Variants in TRPM8 observed in about 807,000 individuals in gnomAD.
TRPM8 encodes the protein TRPM8 cationic channel.
In TRPM8, 110 loss-of-function variants were observed where a neutral mutation model predicts 133.7. The observed-to-expected ratio is 0.82, with a 90% CI of 0.70 to 0.96. The LOEUF (loss-of-function observed/expected upper bound fraction) is 0.96. Among genes scored for constraint, TRPM8 ranks in the 40% least tolerant of loss-of-function variants. TRPM8 has a pLI of 0.00. For missense variants in TRPM8, 1,291 were observed against 1,379.5 expected (o/e 0.94, Z 1.02); for synonymous variants, 535 against 532.3 (o/e 1.01, Z -0.07).
rs200953031 is a variant in TRPM8 at position 233,960,902 on chromosome 2, T to C, written c.1489T>C (p.Phe497Leu). 2 of 1,614,188 alleles carry C rather than the reference T, an allele frequency of 1.2e-6. No homozygotes were observed. The highest frequency in any genetic ancestry group is 8.5e-7 in the Non-Finnish European group (1 of 1,180,040). Residue 497 changes from phenylalanine (F) to leucine (L), a missense_variant, in exon 12 of 26, where the codon TTC (phenylalanine) becomes CTC (leucine). Transcript: ENST00000324695. Reference sequence around the variant, plus strand: ...CACCCATGATGTCCTCACTGAACTCTTCTCCAACCACTTCAGCACGCTTGT... The same window carrying C: ...CACCCATGATGTCCTCACTGAACTCCTCTCCAACCACTTCAGCACGCTTGT... ...FLTHDVLTEL[F>L]SNHFSTLVYR...
chr2:234,012,603 T>A (rs1235171208), intron 24 of TRPM8, among the ~76,000 whole-genome samples: 2 of 152,172 alleles, frequency 1.3e-5, no homozygotes, highest in Non-Finnish European at 2.9e-5. Context: ...CTTTTCTTTT[T>A]TTCTTGTCTG....
intron 3 of TRPM8, among the ~76,000 whole-genome samples, chr2:233,935,361 A>G (rs983167092): frequency 1.3e-5 from 2 of 152,116 alleles, no homozygotes; most frequent in Non-Finnish European, 2.9e-5. Flanking sequence ...AGTGGGGCTG[A>G]ATCTTGTTAT....
intron 18 of TRPM8, 47 bp from the exon 19 acceptor site, chr2:233,981,727 A>G: frequency 6.5e-7 from 1 of 1,545,894 alleles, no homozygotes; most frequent in Non-Finnish European, 8.7e-7. Flanking sequence ...AAACTTTGGA[A>G]TGTTTTGTCA....
At chr2:233,932,435 T>C (rs943604334) in intron 3 of TRPM8, among the ~76,000 whole-genome samples, 2 of 152,046 alleles carry the variant, frequency 1.3e-5, no homozygotes, top group African/African-American at 4.8e-5. Context: ...TCTAAACTAA[T>C]CCCTGGGGCT....
intron 3 of TRPM8, among the ~76,000 whole-genome samples, chr2:233,935,781 C>G (rs551738458): frequency 6.6e-6 from 1 of 152,072 alleles, no homozygotes; most frequent in African/African-American, 2.4e-5. Context: ...GTGGGTGGGG[C>G]AGGCAGAAGG....
intron 6 of TRPM8, chr2:233,943,117 T>A (rs1251907963): frequency 2.7e-5 from 10 of 376,822 alleles, no homozygotes; most frequent in East Asian, 9.7e-5. Flanking sequence ...TGTTTTTTTT[T>A]TTATTATTAT....
At chr2:234,005,648 A>G (rs542707995) in intron 22 of TRPM8, among the ~76,000 whole-genome samples, 16 of 152,256 alleles carry the variant, frequency 1.1e-4, no homozygotes, top group African/African-American at 3.9e-4. Context: ...CAGTGTCTCA[A>G]GCCTGTAATC....
At chr2:233,997,791 T>C (rs1438354383) in intron 22 of TRPM8, among the ~76,000 whole-genome samples, 2 of 152,104 alleles carry the variant, frequency 1.3e-5, no homozygotes, top group Non-Finnish European at 2.9e-5. Flanking sequence ...CTCTCTCTCA[T>C]GTGGTCACCT....
chr2:233,970,212 A>G lies in TRPM8; in HGVS notation c.2141A>G (p.Lys714Arg), dbSNP rs202110003. 1 of 1,614,104 alleles carries G rather than the reference A, an allele frequency of 6.2e-7. No individual in the cohort carries two copies. The highest frequency in any genetic ancestry group is 8.5e-7 in the Non-Finnish European group (1 of 1,179,964). ...LVGCGFVSFR[K>R]KPVDKHKKLL... ...GATGCCCTTATCTCTGGGTCCAGGA[A>G]GAAACCTGTCGACAAGCACAAGAAG... The change falls in exon 17 of 26, where the codon AAG (lysine) becomes AGG (arginine). Residue 714 changes from lysine (K) to arginine (R), a missense_variant and splice_region_variant. By Grantham distance (26) the Lys-to-Arg change is conservative. Around this residue, in one of 2 missense-constraint regions of TRPM8, gnomAD observed 963 missense variants for 968.9 expected, o/e 0.99. Coordinates refer to ENST00000324695, the MANE Select transcript of TRPM8 (RefSeq NM_024080.5).
intron 17 of TRPM8, 46 bp downstream of exon 17, chr2:233,970,472 A>G (rs1367088468): frequency 6.4e-7 from 1 of 1,561,898 alleles, no homozygotes; most frequent in East Asian, 2.2e-5. Context: ...CCTCGGTGGG[A>G]GGCATCTTTC....
At position 233,955,217 on chromosome 2, in the gene TRPM8, T is replaced by A. The variant is rs769201579; in HGVS notation, c.1329T>A (p.Asn443Lys). The A allele has an allele frequency of 4.3e-6, 7 of 1,614,096 alleles. No homozygotes were observed. The Admixed American group carries it at 1.0e-4, about 23-fold the overall frequency. Residue 443 changes from asparagine to lysine, a missense_variant, in exon 11 of 26, where the codon AAT becomes AAA. By Grantham distance (94) the Asn-to-Lys change is moderately conservative (BLOSUM62 0). Around this residue, in one of 2 missense-constraint regions of TRPM8, gnomAD observed 963 missense variants for 968.9 expected, o/e 0.99. Transcript: ENST00000324695. ...LLEWNQLDLANDEIFTNDRRW... is the reference protein window; with the variant it reads ...LLEWNQLDLAKDEIFTNDRRW... ...AGTGGAACCAGCTGGACTTAGCCAA[T>A]GATGAGATTTTCACCAATGACCGCC...
At position 234,010,686 on chromosome 2, in the gene TRPM8, G is replaced by A. The variant is rs536086746; in HGVS notation, c.3264+2583G>A. Among the ~76,000 whole-genome samples, 12 of 152,256 alleles carry A rather than the reference G, an allele frequency of 7.9e-5. No individual in the cohort carries two copies. In the South Asian group the frequency reaches 1.2e-3, roughly 16 times the overall value. ...ATAATAAGCGTCGTAACAGGTGTGA[G>A]GTATGGTCTCATTGTGGTTTTGATT... On this transcript the variant is annotated intron_variant, in intron 24 of 25. Coordinates refer to ENST00000324695, the MANE Select transcript of TRPM8 (RefSeq NM_024080.5).
In TRPM8 at chr2:233,966,662, G is replaced by T. The variant is rs190759752; in HGVS notation, c.1932G>T (p.Leu644=). 3 of 1,614,080 alleles carry T rather than the reference G, an allele frequency of 1.9e-6. No individual in the cohort carries two copies. The highest frequency in any genetic ancestry group is 3.3e-5 in the Admixed American group (2 of 60,010). Residue 644 remains leucine (L), a synonymous_variant, in exon 15 of 26, where the codon CTG becomes CTT. Coordinates refer to ENST00000324695, the MANE Select transcript of TRPM8 (RefSeq NM_024080.5). Reference sequence around the variant, plus strand: ...ATGAAGACTTGGCAGAACAGCTGCTGGTCTATTCCTGTGAAGCTTGGGGTG... The same window carrying T: ...ATGAAGACTTGGCAGAACAGCTGCTTGTCTATTCCTGTGAAGCTTGGGGTG... ...SSDEDLAEQL[L]VYSCEAWGGS... is the part of the protein sequence containing the mutation.
chr2:233,946,828 T>C (rs541831212), intron 7 of TRPM8, among the ~76,000 whole-genome samples: 2 of 152,354 alleles, frequency 1.3e-5, no homozygotes, highest in East Asian at 3.9e-4. Flanking sequence ...TGGTAAATCA[T>C]GCACAGGCTT....
Position 233,981,877 on chromosome 2 carries a change from A to G in TRPM8, c.2551A>G (p.Arg851Gly). 1.9e-6 allele frequency: 3 copies of G among 1,613,700 alleles called. No individual in the cohort carries two copies. The highest frequency in any genetic ancestry group is 2.5e-6 in the Non-Finnish European group (3 of 1,179,958). ...ATTGATCCACATTTTTACTGTAAGC[A>G]GAAACTTAGGACCCAAGATTATAAT... ...LRLIHIFTVSRNLGPKIIMLQ... is the reference protein window; with the variant it reads ...LRLIHIFTVSGNLGPKIIMLQ... The change falls in exon 19 of 26, where the codon AGA becomes GGA. Residue 851 changes from arginine to glycine, a missense_variant. Physicochemically the swap from Arg to Gly is moderately radical, Grantham distance 125. Transcript: ENST00000324695.
intron 16 of TRPM8, 142 bp from the exon 17 acceptor site, chr2:233,970,068 G>C: frequency 1.3e-6 from 1 of 797,992 alleles, no homozygotes; most frequent in South Asian, 1.6e-5. Context: ...AATTGGGGTT[G>C]GTTCCATCTT....
At chr2:233,966,551 A>G in intron 14 of TRPM8, 59 bp from the exon 15 acceptor site, 1 of 1,606,018 alleles carries the variant, frequency 6.2e-7, no homozygotes, top group Non-Finnish European at 8.5e-7. Flanking sequence ...TGGAAGCAGG[A>G]CAGTTTCGGT....
At chr2:233,923,150 T>C (rs1691443431) in intron 1 of TRPM8, among the ~76,000 whole-genome samples, 1 of 152,214 alleles carries the variant, frequency 6.6e-6, no homozygotes, top group Admixed American at 6.5e-5. Flanking sequence ...ATTACAGGTG[T>C]GAGCCACCGT....
intron 4 of TRPM8, 142 bp from the exon 5 acceptor site, chr2:233,938,856 C>A (rs568620307): frequency 1.0e-5 from 9 of 858,292 alleles, no homozygotes; most frequent in Non-Finnish European, 1.6e-5. Flanking sequence ...CTGGGACCCC[C>A]AATGCCGCGA....
Sources: allele counts gnomAD v4.1 joint callset (sites outside exome capture counted in the v4.1 genomes callset), GRCh38; gene constraint gnomAD v4.1.1; regional missense constraint gnomAD v4.1.1; transcripts MANE v1.5; gene names NCBI Gene and HGNC (gene_info 2026-07-23, HGNC 2026-07-21).